Variants in CLCN1 observed in about 807,000 individuals in gnomAD.
The protein encoded by CLCN1 is chloride voltage-gated channel 1.
CLCN1 carries 100 observed loss-of-function variants against 114.5 expected under a neutral mutation model. The observed-to-expected ratio is 0.87, with a 90% CI of 0.74 to 1.03. The LOEUF (loss-of-function observed/expected upper bound fraction) is 1.03. Ranked by LOEUF, CLCN1 falls within the 50% of genes least tolerant of loss-of-function variation. The probability of loss-of-function intolerance (pLI) is 0.00; values close to 1 mark genes in which losing one functional copy is unlikely to be tolerated. For missense variants in CLCN1, 1,188 were observed against 1,250.0 expected, an observed-to-expected ratio of 0.95 and a Z score of 0.75; for synonymous variants, 485 against 487.1, an observed-to-expected ratio of 1.00 and a Z score of 0.06.
At chr7:143,344,097 C>T (rs952315156) in intron 16 of CLCN1, among the ~76,000 whole-genome samples, 6 of 152,258 alleles carry the variant, frequency 3.9e-5, no homozygotes, top group Middle Eastern at 3.2e-3. Context: ...GCCTTGGCCT[C>T]CCAAAGTGCT....
At chr7:143,345,790 T>G (rs1803226411) in intron 17 of CLCN1, 28 bp downstream of exon 17, 2 of 1,595,368 alleles carry the variant, frequency 1.3e-6, no homozygotes, top group Non-Finnish European at 1.7e-6. Context: ...GGCTAGGGAG[T>G]GGGATAGATC....
intron 22 of CLCN1, among the ~76,000 whole-genome samples, chr7:143,351,310 G>T (rs962127342): frequency 3.3e-5 from 5 of 152,142 alleles, no homozygotes; most frequent in Non-Finnish European, 7.4e-5. Context: ...AAAAGGCAGT[G>T]GGGGGATGTG....
chr7:143,323,192 T>A, intron 5 of CLCN1, 117 bp from the exon 6 acceptor site: 1 of 725,954 alleles, frequency 1.4e-6, no homozygotes, highest in East Asian at 2.5e-5. Context: ...TCTGTGTAAC[T>A]CCCGTATTTC....
intron 3 of CLCN1, among the ~76,000 whole-genome samples, 168 bp downstream of exon 3, chr7:143,320,963 C>G (rs1802414194): frequency 6.6e-6 from 1 of 152,148 alleles, no homozygotes; most frequent in Non-Finnish European, 1.5e-5. Flanking sequence ...CAGACCCAGG[C>G]CTGCTCCACT....
chr7:143,324,330 A>T lies in CLCN1; in HGVS notation c.775-84A>T. On this transcript the variant is annotated intron_variant, in intron 6 of 22. Coordinates refer to ENST00000343257, the MANE Select transcript of CLCN1 (RefSeq NM_000083.3). The surrounding 1 kb of genome is among the most constrained non-coding windows in gnomAD (Gnocchi z 4.6). ...TGACTTAGGCCTCTCATTCTGCCTTATTCCCCATCCCTGCTTGTTCTGTCC... is the reference window on the plus strand; with the variant it reads ...TGACTTAGGCCTCTCATTCTGCCTTTTTCCCCATCCCTGCTTGTTCTGTCC... The T allele has an allele frequency of 1.0e-6, 1 of 973,968 alleles. No individual in the cohort carries two copies. Among genetic ancestry groups the T allele is most frequent in the African/African-American group, 1.6e-5 (1 of 62,614 alleles). The allele number at this position is 973,968 out of a possible 1,614,324, so 60.3% of individuals were successfully genotyped here.
rs1178578443 is a variant in CLCN1 at position 143,321,203 on chromosome 7, C to T, written c.434-162C>T. ...CACCAACTGGAACAGGCCATGTCGC[C>T]TCCATAACTCAGGCTTCCCATGTGT... On this transcript the variant is annotated intron_variant, in intron 3 of 22. Coordinates refer to ENST00000343257, the MANE Select transcript of CLCN1 (RefSeq NM_000083.3). The surrounding 1 kb of genome is among the most constrained non-coding windows in gnomAD (Gnocchi z 4.2). Among the ~76,000 whole-genome samples the T allele has an allele frequency of 6.6e-6, 1 of 152,204 alleles. No individual in the cohort carries two copies. Among genetic ancestry groups the T allele is most frequent in the African/African-American group, 2.4e-5 (1 of 41,446 alleles).
At chr7:143,330,055 C>T (rs1487506634) in intron 7 of CLCN1, among the ~76,000 whole-genome samples, 1 of 152,140 alleles carries the variant, frequency 6.6e-6, no homozygotes, top group Non-Finnish European at 1.5e-5. Flanking sequence ...TTTCCTTTTG[C>T]CTCACCCACC....
rs757462761 is a variant in CLCN1 at position 143,351,659 on chromosome 7, C to T, written c.2661C>T (p.Phe887=). 6.2e-7 allele frequency: 1 copy of T among 1,614,218 alleles called. No homozygotes were observed. The highest frequency in any genetic ancestry group is 1.1e-5 in the South Asian group (1 of 91,092). The change falls in exon 23 of 23, where the codon TTC becomes TTT. Residue 887 remains phenylalanine, a synonymous_variant. Transcript: ENST00000343257. ...GVQLRPPLAS[F]RNTTSTRKST... ...AGCTCCGCCCTCCCCTTGCCAGCTT[C>T]CGGAACACGACTTCAACTCGAAAGA...
rs754110523 is a variant in CLCN1, at chr7:143,339,582, A to G, written c.1543A>G (p.Ile515Val). The G allele has an allele frequency of 4.3e-6, 7 of 1,613,588 alleles. No homozygotes were observed. The Admixed American group carries it at 1.0e-4, about 23-fold the overall frequency. ...TCCTGATGGTATTTTGTTTGATGAC[A>G]TCATCTACAAGATCCTACCTGGGGG... ...LFPDGILFDDIIYKILPGGYA... is the reference protein window; with the variant it reads ...LFPDGILFDDVIYKILPGGYA... The change falls in exon 14 of 23, where the codon ATC becomes GTC. Residue 515 changes from isoleucine to valine, a missense_variant. Physicochemically the swap from Ile to Val is conservative, Grantham distance 29 (BLOSUM62 3). Transcript: ENST00000343257. This position sits in a 1 kb window ranked among gnomAD's most constrained non-coding sequence, Gnocchi z 4.1.
In CLCN1 at chr7:143,320,813, C is replaced by T. The variant is rs1204794797; in HGVS notation, c.433+18C>T. 4 of 1,613,764 alleles carry T rather than the reference C, an allele frequency of 2.5e-6. No individual in the cohort carries two copies. The highest frequency in any genetic ancestry group is 2.5e-6 in the Non-Finnish European group (3 of 1,179,892). Reference sequence around the variant, plus strand: ...CCTTCAGGGTAGGTTTAACCTGGACCTTTGCCCACAGCCGTTTCTGGAGTT... The same window carrying T: ...CCTTCAGGGTAGGTTTAACCTGGACTTTTGCCCACAGCCGTTTCTGGAGTT... On this transcript the variant is annotated intron_variant, in intron 3 of 22. Transcript: ENST00000343257.
In CLCN1 at chr7:143,321,238, G is replaced by C; in HGVS notation, c.434-127G>C. 8.9e-7 allele frequency: 1 copy of C among 1,117,510 alleles called. No homozygotes were observed. The allele number at this position is 1,117,510 out of a possible 1,614,324, so 69.2% of individuals were successfully genotyped here. A position where few individuals can be genotyped will look rare whatever the true frequency, so the allele number is the denominator to read the frequency against. ...CAGGCTTCCCATGTGTCAAATGAGA[G>C]CAGCACCATCTCAGAAGGGGCACAC... On this transcript the variant is annotated intron_variant, in intron 3 of 22. Coordinates refer to ENST00000343257, the MANE Select transcript of CLCN1 (RefSeq NM_000083.3). This position sits in a 1 kb window ranked among gnomAD's most constrained non-coding sequence, Gnocchi z 4.2.
intron 12 of CLCN1, among the ~76,000 whole-genome samples, chr7:143,337,498 TG>T (rs5888094): frequency 0.43 from 64,483 of 149,618 alleles, 13,982 homozygotes; most frequent in African/African-American, 0.53. Context: ...AGGTCAGCCC[TG>T]GATGAGGGGA....
chr7:143,341,599 T>A (rs2367942), intron 14 of CLCN1, among the ~76,000 whole-genome samples: 132,763 of 149,898 alleles, frequency 0.89, 58,952 homozygotes, highest in African/African-American at 0.94. Flanking sequence ...ATAATAATTT[T>A]AAAAAATAAT....
At position 143,320,606 on chromosome 7, in the gene CLCN1, TTTG is replaced by T. The variant is rs1404993618; in HGVS notation, c.302-55_302-53del. 1.7e-5 allele frequency: 24 copies of T among 1,388,624 alleles called. No individual in the cohort carries two copies. The African/African-American group carries it at 2.9e-4, about 17-fold the overall frequency. 86.0% of individuals were successfully genotyped at this position (1,388,624 alleles called of 1,614,324 possible). Reference sequence around the variant, plus strand: ...CTCTCTGTCTCTACATATATATATTTTTGTTTGTTTGTTTGTTTGTTGTTTGTT... The same window carrying T: ...CTCTCTGTCTCTACATATATATATTTTTTGTTTGTTTGTTTGTTGTTTGTT... On this transcript the variant is annotated intron_variant, in intron 2 of 22. Coordinates refer to ENST00000343257, the MANE Select transcript of CLCN1 (RefSeq NM_000083.3).
rs1802431217 is a variant in CLCN1, at chr7:143,321,476, T to C, written c.545T>C (p.Ile182Thr). The C allele has an allele frequency of 6.2e-7, 1 of 1,613,900 alleles. No homozygotes were observed. Among genetic ancestry groups the C allele is most frequent in the African/African-American group, 1.3e-5 (1 of 74,872 alleles). Residue 182 changes from isoleucine to threonine, a missense_variant, in exon 4 of 23, where the codon ATC becomes ACC. Ile to Thr is a moderately conservative substitution (Grantham distance 89). Coordinates refer to ENST00000343257, the MANE Select transcript of CLCN1 (RefSeq NM_000083.3). This position sits in a 1 kb window ranked among gnomAD's most constrained non-coding sequence, Gnocchi z 4.2. ...ILFSALFCHLISPQAVGSGIP... is the reference protein window; with the variant it reads ...ILFSALFCHLTSPQAVGSGIP... ...TTCAGCGCCCTCTTCTGCCACCTCATCTCTCCCCAGGCTGTTGGTGAGAAC... is the reference window on the plus strand; with the variant it reads ...TTCAGCGCCCTCTTCTGCCACCTCACCTCTCCCCAGGCTGTTGGTGAGAAC...
Position 143,339,384 on chromosome 7 carries a change from T to A in CLCN1, c.1471+62T>A. On this transcript the variant is annotated intron_variant, in intron 13 of 22. Coordinates refer to ENST00000343257, the MANE Select transcript of CLCN1 (RefSeq NM_000083.3). The surrounding 1 kb of genome is among the most constrained non-coding windows in gnomAD (Gnocchi z 4.1). ...GTTGCAATCTAGGATACAGGAAACA[T>A]AAGGAAAGGCCCGGGATGCTGGGAG... 2.8e-6 allele frequency: 4 copies of A among 1,427,940 alleles called. No homozygotes were observed. The South Asian group carries it at 3.4e-5, about 12-fold the overall frequency. The allele number at this position is 1,427,940 out of a possible 1,614,324, so 88.5% of individuals were successfully genotyped here.
intron 12 of CLCN1, among the ~76,000 whole-genome samples, chr7:143,338,821 A>C (rs1802996422): frequency 6.6e-6 from 1 of 151,594 alleles, no homozygotes; most frequent in South Asian, 2.1e-4. Flanking sequence ...AAAAAAAAAA[A>C]CCGGAGCGCC....
chr7:143,316,618 C>T (rs867475926), intron 1 of CLCN1, among the ~76,000 whole-genome samples: 11 of 152,284 alleles, frequency 7.2e-5, no homozygotes, highest in South Asian at 2.1e-4. Flanking sequence ...CAACCTTTAC[C>T]AACAGAGTAC....
At chr7:143,332,605 C>T (rs1477770816) in intron 11 of CLCN1, 102 bp downstream of exon 11, 17 of 1,514,876 alleles carry the variant, frequency 1.1e-5, no homozygotes, top group Admixed American at 3.3e-5. Context: ...TTTCTAGATT[C>T]TCCCTGAGAA....
Sources: gnomAD v4.1 joint callset for allele counts (sites outside exome capture counted in the v4.1 genomes callset) on GRCh38, gnomAD v4.1.1 for gene constraint, Gnocchi (gnomAD v3.1) non-coding constraint, MANE v1.5 for transcripts, NCBI Gene and HGNC (gene_info 2026-07-23, HGNC 2026-07-21) for gene names.